Variants in TUSC3 observed in about 807,000 individuals in gnomAD.
TUSC3 encodes tumor suppressor candidate 3.
TUSC3 carries 45 observed loss-of-function variants against 44.8 expected under a neutral mutation model. The ratio of observed to expected loss-of-function variants is 1.00; its 90% CI spans 0.79 to 1.29. The LOEUF (loss-of-function observed/expected upper bound fraction) is 1.29. Ranked by LOEUF, TUSC3 falls within the 50% of genes most tolerant of loss-of-function variation. The pLI is 0.00. For missense variants in TUSC3, 519 were observed against 437.9 expected (o/e 1.19, Z -1.65); for synonymous variants, 212 against 152.9 (o/e 1.39, Z -2.85).
intron 2 of TUSC3, among the ~76,000 whole-genome samples, chr8:15,502,492 T>C (rs1800980662): frequency 6.6e-6 from 1 of 152,132 alleles, no homozygotes; most frequent in South Asian, 2.1e-4. Flanking sequence ...TTTTCTTGTT[T>C]GTTTGTTTGT....
At chr8:15,551,942 G>T (rs1159189819) in intron 1 of TUSC3, among the ~76,000 whole-genome samples, 2 of 151,592 alleles carry the variant, frequency 1.3e-5, no homozygotes, top group East Asian at 3.9e-4. Context: ...GTAAATAGAT[G>T]ATTCCAGGGA....
At chr8:15,752,724 A>G (rs1037399105) in intron 9 of TUSC3, among the ~76,000 whole-genome samples, 1 of 152,116 alleles carries the variant, frequency 6.6e-6, no homozygotes, top group Non-Finnish European at 1.5e-5. Flanking sequence ...CGTGATTCGT[A>G]TATTCCTATA....
intron 2 of TUSC3, among the ~76,000 whole-genome samples, chr8:15,523,219 T>A (rs1030644262): frequency 6.6e-6 from 1 of 152,096 alleles, no homozygotes; most frequent in African/African-American, 2.4e-5. Flanking sequence ...ATCGTCTGAG[T>A]TGAGGTATTG....
At chr8:15,446,020 G>A (rs1162762098) in intron 1 of TUSC3, among the ~76,000 whole-genome samples, 1 of 151,526 alleles carries the variant, frequency 6.6e-6, no homozygotes, top group African/African-American at 2.4e-5. Context: ...CGGGCCGGCT[G>A]CCGGGCGGAG....
At chr8:15,781,865 G>C in the TUSC3 span, among the ~76,000 whole-genome samples, 2 of 152,188 alleles carry the variant, frequency 1.3e-5, no homozygotes, top group Non-Finnish European at 1.5e-5. Flanking sequence ...GGGCACGGTG[G>C]CTCATGTCTG....
At chr8:15,728,303 A>G (rs1016670977) in intron 6 of TUSC3, among the ~76,000 whole-genome samples, 4 of 152,248 alleles carry the variant, frequency 2.6e-5, no homozygotes, top group Admixed American at 2.6e-4. Flanking sequence ...TCTAGGCAAG[A>G]GATGATGAGT....
chr8:15,776,085 G>A, the TUSC3 span, among the ~76,000 whole-genome samples: 2 of 152,016 alleles, frequency 1.3e-5, no homozygotes, highest in South Asian at 4.2e-4. Context: ...CTATGATAAA[G>A]CACTGGCATC....
At chr8:15,695,231 T>C (rs1003494097) in intron 6 of TUSC3, among the ~76,000 whole-genome samples, 2 of 152,180 alleles carry the variant, frequency 1.3e-5, no homozygotes, top group South Asian at 2.1e-4. Context: ...CCACATGTCA[T>C]GGGAGGGACC....
At chr8:15,636,727 A>G (rs1349465041) in intron 2 of TUSC3, among the ~76,000 whole-genome samples, 3 of 152,212 alleles carry the variant, frequency 2.0e-5, no homozygotes, top group Non-Finnish European at 1.5e-5. Flanking sequence ...TTTGTGGGCT[A>G]GTCTATATAA....
intron 1 of TUSC3, among the ~76,000 whole-genome samples, chr8:15,615,981 A>G (rs1804970508): frequency 6.6e-6 from 1 of 152,218 alleles, no homozygotes; most frequent in Non-Finnish European, 1.5e-5. Flanking sequence ...ACGTGAACAC[A>G]CCATGAAGAC....
At chr8:15,600,822 T>C (rs1417583709) in intron 1 of TUSC3, among the ~76,000 whole-genome samples, 1 of 151,822 alleles carries the variant, frequency 6.6e-6, no homozygotes, top group East Asian at 1.9e-4. Flanking sequence ...TATAAAGGAA[T>C]TTTATTCTTT....
chr8:15,473,597 A>C (rs1007901715), intron 1 of TUSC3, among the ~76,000 whole-genome samples: 6 of 152,246 alleles, frequency 3.9e-5, no homozygotes, highest in Non-Finnish European at 7.4e-5. Flanking sequence ...AAAGAGAGGA[A>C]TTTTACAGCT....
At chr8:15,733,214 G>A (rs1348321390) in intron 7 of TUSC3, among the ~76,000 whole-genome samples, 3 of 152,136 alleles carry the variant, frequency 2.0e-5, no homozygotes, top group African/African-American at 7.2e-5. Flanking sequence ...GGGCAAAGCT[G>A]TATTTACTCT....
Position 15,612,187 on chromosome 8 carries a change from A to G in TUSC3, c.139-10893A>G, listed in dbSNP as rs181509586. ...ATTTTGATGAGTACCTGCTATTCAG[A>G]TAGCAGGTACCTGAATAAGTACTGT... On this transcript the variant is annotated intron_variant, in intron 1 of 10. Transcript: ENST00000503731. 5.9e-5 allele frequency among the ~76,000 whole-genome samples: 9 copies of G among 152,290 alleles called. No individual in the cohort carries two copies. The East Asian group carries it at 1.4e-3, about 23-fold the overall frequency.
intron 1 of TUSC3, among the ~76,000 whole-genome samples, chr8:15,440,637 T>C (rs1800008620): frequency 6.6e-6 from 1 of 152,190 alleles, no homozygotes; most frequent in Non-Finnish European, 1.5e-5. Flanking sequence ...CTTTTATTGA[T>C]TGCATTTTTC....
intron 2 of TUSC3, among the ~76,000 whole-genome samples, chr8:15,484,823 T>G (rs1279321220): frequency 6.6e-6 from 1 of 152,242 alleles, no homozygotes; most frequent in Non-Finnish European, 1.5e-5. Flanking sequence ...GTAAAAATTC[T>G]TACTATCATT....
At chr8:15,538,425 C>T (rs1289154792), upstream of TUSC3, among the ~76,000 whole-genome samples, 2 of 152,022 alleles carry the variant, frequency 1.3e-5, no homozygotes, top group Non-Finnish European at 1.5e-5. Flanking sequence ...CAAAAGCTTG[C>T]GATACAGAAA....
rs528298743 is a variant in TUSC3, at chr8:15,662,913, A to G, written c.708+617A>G. ...TTGTGACATGAGCTGAATTCTGTAGAAGAAAATGAAATTCTAAAGTCGTTA... is the reference window on the plus strand; with the variant it reads ...TTGTGACATGAGCTGAATTCTGTAGGAGAAAATGAAATTCTAAAGTCGTTA... On this transcript the variant is annotated intron_variant, in intron 5 of 10. Transcript: ENST00000503731. Among the ~76,000 whole-genome samples, 7 of 152,044 alleles carry G rather than the reference A, an allele frequency of 4.6e-5. No homozygotes were observed. In the East Asian group the frequency reaches 1.4e-3, roughly 29 times the overall value.
chr8:15,545,604 T>C (rs1204866163), intron 1 of TUSC3, among the ~76,000 whole-genome samples: 2 of 151,660 alleles, frequency 1.3e-5, no homozygotes, highest in East Asian at 1.9e-4. Context: ...ACGTAAGAGA[T>C]AGGAGCTTGG....
Sources: gnomAD v4.1 joint callset for allele counts (sites outside exome capture counted in the v4.1 genomes callset) on GRCh38, gnomAD v4.1.1 for gene constraint, MANE v1.5 for transcripts, NCBI Gene and HGNC (gene_info 2026-07-23, HGNC 2026-07-21) for gene names.